The following HGF variants were observed in gnomAD, a reference collection of about 807,000 sequenced individuals.
HGF encodes fibroblast-derived tumor cytotoxic factor.
Under a neutral mutation model 111.6 loss-of-function variants are expected in HGF, and 39 were observed. That is an observed-to-expected ratio of 0.35 (90% CI 0.27 to 0.46). HGF has a LOEUF of 0.46. Among genes scored for constraint, HGF ranks in the 20% least tolerant of loss-of-function variants. The pLI is 1.00. For missense variants in HGF, 735 were observed against 910.5 expected (o/e 0.81, Z 2.48); for synonymous variants, 285 against 294.8 (o/e 0.97, Z 0.34).
intron 11 of HGF, among the ~76,000 whole-genome samples, chr7:81,712,170 G>A (rs1190823296): frequency 6.6e-6 from 1 of 152,098 alleles, no homozygotes; most frequent in Non-Finnish European, 1.5e-5. Flanking sequence ...GATCCACCAA[G>A]ATGTCCAACA....
intron 6 of HGF, among the ~76,000 whole-genome samples, chr7:81,744,489 T>C (rs980990784): frequency 2.6e-5 from 4 of 152,158 alleles, no homozygotes; most frequent in Non-Finnish European, 5.9e-5. Context: ...CCACTACTTA[T>C]GTCATGCTGT....
intron 3 of HGF, 97 bp downstream of exon 3, chr7:81,758,594 GA>G: frequency 1.3e-6 from 1 of 769,900 alleles, no homozygotes; most frequent in Non-Finnish European, 2.3e-6. Flanking sequence ...ATATATAGTA[GA>G]AAAATCAGTG....
chr7:81,758,847 A>C, intron 2 of HGF, 43 bp from the exon 3 acceptor site: 3 of 1,257,764 alleles, frequency 2.4e-6, no homozygotes, highest in Non-Finnish European at 3.5e-6. Flanking sequence ...ACTACTATTT[A>C]TACAGTATTT....
chr7:81,715,550 T>C (rs1012815774), intron 11 of HGF, among the ~76,000 whole-genome samples: 1 of 152,048 alleles, frequency 6.6e-6, no homozygotes, highest in African/African-American at 2.4e-5. Context: ...AAACATATAA[T>C]ATATTTAGTT....
chr7:81,725,430 C>T (rs1789980293), intron 9 of HGF, among the ~76,000 whole-genome samples: 2 of 152,132 alleles, frequency 1.3e-5, no homozygotes, highest in Admixed American at 1.3e-4. Context: ...CCTCACTGCC[C>T]TTGGGTCCTT....
chr7:81,724,351 A>G (rs79501376), intron 9 of HGF, among the ~76,000 whole-genome samples: 447 of 152,308 alleles, frequency 2.9e-3, no homozygotes, highest in Non-Finnish European at 4.2e-3. Context: ...AAAGGATAGA[A>G]GTATGCCTAG....
chr7:81,735,852 C>G (rs1199339970), intron 7 of HGF, among the ~76,000 whole-genome samples: 1 of 152,060 alleles, frequency 6.6e-6, no homozygotes, highest in Non-Finnish European at 1.5e-5. Flanking sequence ...TGCAAATGGT[C>G]ACTTTCTTGC....
At chr7:81,719,464 T>G (rs914379595) in intron 10 of HGF, among the ~76,000 whole-genome samples, 1 of 152,124 alleles carries the variant, frequency 6.6e-6, no homozygotes, top group Non-Finnish European at 1.5e-5. Context: ...ACTGAGAAAT[T>G]GATTCAGTCC....
intron 7 of HGF, among the ~76,000 whole-genome samples, chr7:81,735,729 A>C (rs148579159): frequency 6.6e-6 from 1 of 152,250 alleles, no homozygotes; most frequent in African/African-American, 2.4e-5. Flanking sequence ...ACAAGGCTGC[A>C]GATTTGCTGA....
intron 7 of HGF, among the ~76,000 whole-genome samples, chr7:81,736,369 C>T (rs1787825986): frequency 6.6e-6 from 1 of 152,034 alleles, no homozygotes; most frequent in African/African-American, 2.4e-5. Context: ...ATCAGGTCAA[C>T]GGTCATAGTT....
At chr7:81,758,435 A>G (rs1221220111) in intron 3 of HGF, among the ~76,000 whole-genome samples, 1 of 151,976 alleles carries the variant, frequency 6.6e-6, no homozygotes, top group Non-Finnish European at 1.5e-5. Context: ...GATGCTCCAA[A>G]AAAATAAAAA....
At chr7:81,711,367 A>G (rs1789565275) in intron 12 of HGF, 114 bp downstream of exon 12, 1 of 530,548 alleles carries the variant, frequency 1.9e-6, no homozygotes, top group Non-Finnish European at 3.3e-6. Flanking sequence ...AAATAGATTA[A>G]CTTCTTTTTA....
intron 5 of HGF, among the ~76,000 whole-genome samples, chr7:81,747,310 G>C (rs886468218): frequency 6.6e-6 from 1 of 152,140 alleles, no homozygotes; most frequent in Non-Finnish European, 1.5e-5. Context: ...CTGCACTCCA[G>C]CCTGGGCGAC....
At chr7:81,725,034 T>C (rs927489934) in intron 9 of HGF, among the ~76,000 whole-genome samples, 1 of 152,206 alleles carries the variant, frequency 6.6e-6, no homozygotes, top group African/African-American at 2.4e-5. Flanking sequence ...CCATCTGTAG[T>C]CTGAATTACT....
chr7:81,768,180 T>C (rs978723241), intron 1 of HGF, among the ~76,000 whole-genome samples: 3 of 152,198 alleles, frequency 2.0e-5, no homozygotes, highest in South Asian at 4.1e-4. Flanking sequence ...CGAAAACAAA[T>C]AGACACTGCC....
chr7:81,746,614 T>C (rs1359936108), intron 5 of HGF, among the ~76,000 whole-genome samples: 1 of 152,162 alleles, frequency 6.6e-6, no homozygotes, highest in Non-Finnish European at 1.5e-5. Context: ...TATTCATATG[T>C]ACAATTTCTA....
chr7:81,713,465 G>T (rs538851578), intron 11 of HGF, among the ~76,000 whole-genome samples: 22 of 151,522 alleles, frequency 1.5e-4, no homozygotes, highest in Non-Finnish European at 2.6e-4. Context: ...GGCAGAGTTT[G>T]CAGTGAGCCG....
rs2116121546 is a variant in HGF at position 81,752,199 on chromosome 7, C to G, written c.546G>C (p.Gly182=). Reference sequence around the variant, plus strand: ...TGAAACACCAGGGTCCCCCTTCTTCCCCTCGAGGATTTCGACAGTAGTTTT... The same window carrying G: ...TGAAACACCAGGGTCCCCCTTCTTCGCCTCGAGGATTTCGACAGTAGTTTT... ...LQENYCRNPR[G]EEGGPWCFTS... is the part of the protein sequence containing the mutation. The change falls in exon 5 of 18, where the codon GGG becomes GGC. Residue 182 remains glycine, a synonymous_variant. Coordinates refer to ENST00000222390, the MANE Select transcript of HGF (RefSeq NM_000601.6). 1 of 1,613,588 alleles carries G rather than the reference C, an allele frequency of 6.2e-7. No homozygotes were observed. The highest frequency in any genetic ancestry group is 1.1e-5 in the South Asian group (1 of 91,076).
intron 9 of HGF, among the ~76,000 whole-genome samples, chr7:81,724,761 G>T (rs1401663672): frequency 6.6e-6 from 1 of 152,148 alleles, no homozygotes; most frequent in Admixed American, 6.6e-5. Flanking sequence ...AATGGTAGTT[G>T]TGTTTTAAGT....
Sources: allele counts gnomAD v4.1 joint callset (sites outside exome capture counted in the v4.1 genomes callset), GRCh38; gene constraint gnomAD v4.1.1; transcripts MANE v1.5; gene names NCBI Gene and HGNC (gene_info 2026-07-23, HGNC 2026-07-21).